The following SUCO variants were observed in gnomAD, a reference collection of about 807,000 sequenced individuals.
The protein encoded by SUCO is SUN domain containing ossification factor.
Under a neutral mutation model 148.1 loss-of-function variants are expected in SUCO, and 57 were observed. The observed-to-expected ratio is 0.38, with a 90% CI of 0.31 to 0.48. The LOEUF (loss-of-function observed/expected upper bound fraction) is 0.48, where lower values mean the gene tolerates loss of function less well. Ranked by LOEUF, SUCO falls within the 20% of genes least tolerant of loss-of-function variation. The pLI, the probability that SUCO is intolerant of heterozygous loss-of-function variation, is 0.96. For missense variants in SUCO, 1,331 were observed against 1,468.2 expected, an observed-to-expected ratio of 0.91 and a Z score of 1.53; for synonymous variants, 470 against 502.7, an observed-to-expected ratio of 0.93 and a Z score of 0.87.
intron 4 of SUCO, chr1:172,556,541 C>A (rs1653773424): frequency 2.1e-6 from 2 of 931,978 alleles, no homozygotes; most frequent in Admixed American, 6.2e-5. Flanking sequence ...AAGAACAAAA[C>A]AAAATGTCCT....
intron 13 of SUCO, among the ~76,000 whole-genome samples, 187 bp downstream of exon 13, chr1:172,578,006 C>A (rs1050841209): frequency 5.3e-5 from 8 of 151,216 alleles, no homozygotes; most frequent in African/African-American, 1.9e-4. Context: ...AAAAAAAAAC[C>A]TCATTTTGTA....
At chr1:172,558,223 T>C (rs1387049198) in intron 6 of SUCO, among the ~76,000 whole-genome samples, 1 of 152,246 alleles carries the variant, frequency 6.6e-6, no homozygotes, top group Non-Finnish European at 1.5e-5. Flanking sequence ...TTACCTTTCA[T>C]TATTTGTGTG....
At chr1:172,572,565 A>AAGGCC (rs1245385332) in intron 9 of SUCO, among the ~76,000 whole-genome samples, 1 of 151,930 alleles carries the variant, frequency 6.6e-6, no homozygotes, top group Non-Finnish European at 1.5e-5. Flanking sequence ...AACACTGCGG[A>AAGGCC]AGGCCGCAGG....
At chr1:172,579,691 C>T (rs1354895688) in intron 15 of SUCO, among the ~76,000 whole-genome samples, 1 of 152,016 alleles carries the variant, frequency 6.6e-6, no homozygotes, top group East Asian at 1.9e-4. Context: ...TAATAATATA[C>T]TCCTTGTAAA....
chr1:172,560,303 A>G (rs184036620), intron 6 of SUCO, among the ~76,000 whole-genome samples: 1 of 152,342 alleles, frequency 6.6e-6, no homozygotes, highest in Admixed American at 6.5e-5. Flanking sequence ...TGTAGTTGCA[A>G]TGAGTGCCCT....
chr1:172,597,433 T>G (rs188145335), intron 19 of SUCO, among the ~76,000 whole-genome samples: 1 of 152,324 alleles, frequency 6.6e-6, no homozygotes, highest in African/African-American at 2.4e-5. Flanking sequence ...AAAGTTTTCT[T>G]TAGCATTATT....
chr1:172,575,537 A>G lies in SUCO; in HGVS notation c.1177A>G (p.Ile393Val), dbSNP rs1655370892. 6.2e-7 allele frequency: 1 copy of G among 1,611,176 alleles called. No homozygotes were observed. The highest frequency in any genetic ancestry group is 1.1e-5 in the South Asian group (1 of 90,818). The change falls in exon 11 of 24, where the codon ATT (isoleucine) becomes GTT (valine). Residue 393 changes from isoleucine to valine, a missense_variant. Ile to Val is a conservative substitution (Grantham distance 29). Transcript: ENST00000263688. ...TTTTAGATATCCAACAAATAAGTGGATTAAGCTGGGTACTTTTCATGGTAG... is the reference window on the plus strand; with the variant it reads ...TTTTAGATATCCAACAAATAAGTGGGTTAAGCTGGGTACTTTTCATGGTAG... ...ISDRYPTNKW[I>V]KLGTFHGRDE...
At chr1:172,585,746 A>T in intron 16 of SUCO, 112 bp from the exon 17 acceptor site, 1 of 683,004 alleles carries the variant, frequency 1.5e-6, no homozygotes, top group Non-Finnish European at 2.5e-6. Context: ...AGTCTGCAGT[A>T]GCAAACCTAT....
intron 1 of SUCO, chr1:172,550,868 A>C: frequency 1.0e-6 from 1 of 976,948 alleles, no homozygotes; most frequent in Non-Finnish European, 1.2e-6. Context: ...TTGCATAGCA[A>C]ATCAAGTTGA....
rs1553273837 is a variant in SUCO, at chr1:172,570,650, C to T, written c.982-13C>T. 6.5e-7 allele frequency: 1 copy of T among 1,537,446 alleles called. No homozygotes were observed. The highest frequency in any genetic ancestry group is 8.9e-7 in the Non-Finnish European group (1 of 1,118,138). ...CCTTAAGTAATTTGTTTCCTTTCCT[C>T]TTTTTAAAATAGAGCACATCTGCTA... On this transcript the variant is annotated splice_polypyrimidine_tract_variant and intron_variant, in intron 8 of 23. Transcript: ENST00000263688.
chr1:172,572,696 T>TAAAAA (rs61248782), intron 9 of SUCO, among the ~76,000 whole-genome samples: 1,040 of 49,586 alleles, frequency 0.021, no homozygotes, highest in Non-Finnish European at 0.028. Context: ...GAATGATCAA[T>TAAAAA]AAAAAAAAAA....
chr1:172,553,789 C>A (rs1653498607), intron 3 of SUCO, among the ~76,000 whole-genome samples: 1 of 152,006 alleles, frequency 6.6e-6, no homozygotes, highest in South Asian at 2.1e-4. Flanking sequence ...GATAATAGAT[C>A]AAAATATGTT....
In SUCO at chr1:172,597,236, G is replaced by A. The variant is rs569631447; in HGVS notation, c.2914-2828G>A. 2.0e-4 allele frequency among the ~76,000 whole-genome samples: 30 copies of A among 152,340 alleles called. No individual in the cohort carries two copies. In the South Asian group the frequency reaches 2.1e-3, roughly 11 times the overall value. ...GAATTCCCTCACCCTTGCACTTCCC[G>A]GGTGTGGCGGTGCCCCGCCCTGCTT... On this transcript the variant is annotated intron_variant, in intron 19 of 23. Transcript: ENST00000263688.
intron 22 of SUCO, 154 bp from the exon 23 acceptor site, chr1:172,608,593 A>G: frequency 3.0e-6 from 2 of 669,946 alleles, no homozygotes; most frequent in East Asian, 5.4e-5. Flanking sequence ...TTTAAAATGC[A>G]TAAATATATA....
At chr1:172,609,602 A>G in intron 23 of SUCO, 1 of 985,156 alleles carries the variant, frequency 1.0e-6, no homozygotes, top group Non-Finnish European at 1.2e-6. Flanking sequence ...CAGGTAAGCA[A>G]TTTAAAGAGT....
intron 6 of SUCO, among the ~76,000 whole-genome samples, 164 bp downstream of exon 6, chr1:172,557,958 A>AT (rs1293352619): frequency 1.3e-5 from 2 of 152,236 alleles, no homozygotes; most frequent in Non-Finnish European, 2.9e-5. Flanking sequence ...AGAGCAAGTG[A>AT]TTCTGTTTCC....
intron 19 of SUCO, 86 bp downstream of exon 19, chr1:172,591,157 GT>G (rs1656629297): frequency 9.9e-7 from 1 of 1,013,692 alleles, no homozygotes; most frequent in Admixed American, 2.6e-5. Context: ...AAGTATTGTA[GT>G]TTCACTTTTT....
rs376083409 is a variant in SUCO, at chr1:172,589,423, T to C, written c.2322T>C (p.Asp774=). Reference sequence around the variant, plus strand: ...CCCAAGAGAGTTCTGTTGAGATCGATAATGAAACAGAACAAAAGTCTGAGA... The same window carrying C: ...CCCAAGAGAGTTCTGTTGAGATCGACAATGAAACAGAACAAAAGTCTGAGA... The part of the protein sequence containing the change: ...VIPQESSVEI[D]NETEQKSESF... The change falls in exon 18 of 24, where the codon GAT becomes GAC. Residue 774 remains aspartate, a synonymous_variant. Transcript: ENST00000263688. The C allele has an allele frequency of 1.2e-6, 2 of 1,613,282 alleles. No homozygotes were observed. Among genetic ancestry groups the C allele is most frequent in the Non-Finnish European group, 1.7e-6 (2 of 1,179,764 alleles).
At chr1:172,602,032 A>C (rs752354199) in intron 20 of SUCO, 32 bp from the exon 21 acceptor site, 3 of 1,553,684 alleles carry the variant, frequency 1.9e-6, no homozygotes, top group Admixed American at 2.0e-5. Flanking sequence ...ATGATTTCCT[A>C]TGATTATTAT....
Sources: allele counts gnomAD v4.1 joint callset (sites outside exome capture counted in the v4.1 genomes callset), GRCh38; gene constraint gnomAD v4.1.1; transcripts MANE v1.5; gene names NCBI Gene and HGNC (gene_info 2026-07-23, HGNC 2026-07-21).